The following KLHL29 variants were observed in gnomAD, a reference collection of about 807,000 sequenced individuals.
The protein encoded by KLHL29 is kelch-like protein 29.
KLHL29 carries 21 observed loss-of-function variants against 80.4 expected under a neutral mutation model. The observed-to-expected ratio is 0.26, with a 90% CI of 0.19 to 0.38. The LOEUF is 0.38. Among genes scored for constraint, KLHL29 ranks in the 10% least tolerant of loss-of-function variants. KLHL29 has a pLI of 1.00. For synonymous variants in KLHL29, 511 were observed against 526.8 expected (o/e 0.97, Z 0.41); for missense variants, 867 against 1,223.9 (o/e 0.71, Z 4.35).
chr2:23,528,374 G>A (rs929891829), intron 2 of KLHL29, among the ~76,000 whole-genome samples: 1 of 152,134 alleles, frequency 6.6e-6, no homozygotes, highest in African/African-American at 2.4e-5. Context: ...GGCTGTTTCC[G>A]AGGCTGGTCT....
At chr2:23,483,639 T>G (rs1664855795) in intron 2 of KLHL29, among the ~76,000 whole-genome samples, 1 of 152,182 alleles carries the variant, frequency 6.6e-6, no homozygotes, top group African/African-American at 2.4e-5. Flanking sequence ...ACCTAGTGCT[T>G]TTAGGTTGCA....
At chr2:23,391,978 T>C (rs1666332783) in intron 1 of KLHL29, among the ~76,000 whole-genome samples, 1 of 152,258 alleles carries the variant, frequency 6.6e-6, no homozygotes, top group African/African-American at 2.4e-5. Flanking sequence ...CCTGTCCACG[T>C]TGAAGTCCCG....
At chr2:23,671,511 G>A (rs1482429323) in intron 5 of KLHL29, among the ~76,000 whole-genome samples, 1 of 152,190 alleles carries the variant, frequency 6.6e-6, no homozygotes, top group East Asian at 1.9e-4. Flanking sequence ...TGTGGCTGTT[G>A]GGCTCCTCAT....
chr2:23,644,823 A>G (rs996379296), intron 5 of KLHL29, among the ~76,000 whole-genome samples: 8 of 152,234 alleles, frequency 5.3e-5, no homozygotes, highest in Admixed American at 3.3e-4. Context: ...CACTGGGCAG[A>G]CCGAGGGCCA....
chr2:23,551,900 A>T (rs1189479690), intron 2 of KLHL29, among the ~76,000 whole-genome samples: 2 of 152,154 alleles, frequency 1.3e-5, no homozygotes, highest in Non-Finnish European at 2.9e-5. Context: ...CCACATTTTG[A>T]GTAGGGAGGA....
At chr2:23,389,666 C>T (rs1043832491) in intron 1 of KLHL29, among the ~76,000 whole-genome samples, 2 of 148,862 alleles carry the variant, frequency 1.3e-5, no homozygotes, top group African/African-American at 2.5e-5. Context: ...CTGTACTGGG[C>T]AACAGAGCAA....
At chr2:23,443,366 A>G (rs1046940306) in intron 1 of KLHL29, among the ~76,000 whole-genome samples, 1 of 152,222 alleles carries the variant, frequency 6.6e-6, no homozygotes, top group Non-Finnish European at 1.5e-5. Context: ...ATCATCTAAC[A>G]TACAGTCTAC....
intron 3 of KLHL29, among the ~76,000 whole-genome samples, chr2:23,637,508 C>T (rs906769120): frequency 6.6e-6 from 1 of 152,178 alleles, no homozygotes; most frequent in African/African-American, 2.4e-5. Flanking sequence ...TCCTTTGTTT[C>T]TTGCTCTGTT....
intron 5 of KLHL29, among the ~76,000 whole-genome samples, chr2:23,646,056 T>C (rs1041767219): frequency 6.6e-6 from 1 of 152,196 alleles, no homozygotes; most frequent in Non-Finnish European, 1.5e-5. Flanking sequence ...GATTTTTTTT[T>C]TAGATGATGT....
chr2:23,690,350 TGGGTGGCA>T (rs1167728789), intron 6 of KLHL29: 1 of 152,224 alleles, frequency 6.6e-6, no homozygotes, highest in Non-Finnish European at 1.5e-5. Flanking sequence ...TGCCCACCTG[TGGGTGGCA>T]GAGCCCAGGC....
chr2:23,471,494 T>TA (rs1009671543), intron 1 of KLHL29, among the ~76,000 whole-genome samples: 2 of 152,238 alleles, frequency 1.3e-5, no homozygotes, highest in Non-Finnish European at 2.9e-5. Flanking sequence ...TTAACCCAAA[T>TA]AGCCCATTCA....
chr2:23,508,853 G>A (rs1665686283), intron 2 of KLHL29, among the ~76,000 whole-genome samples: 1 of 152,210 alleles, frequency 6.6e-6, no homozygotes, highest in Non-Finnish European at 1.5e-5. Flanking sequence ...CACAGCAAAA[G>A]GCAGCTTCCC....
At chr2:23,422,605 T>C (rs1052711149) in intron 1 of KLHL29, among the ~76,000 whole-genome samples, 1 of 151,968 alleles carries the variant, frequency 6.6e-6, no homozygotes, top group Non-Finnish European at 1.5e-5. Flanking sequence ...CTGTGTTGTG[T>C]GCCTGTGTGT....
rs551279418 is a variant in KLHL29 at position 23,546,219 on chromosome 2, A to G, written c.-45-15933A>G. ...TGACTGTGGGCAGGGAATGTGACTG[A>G]TGGGTGTGAGTAGGGCTTCCACCCA... is the stretch of plus-strand genomic sequence containing the variant. On this transcript the variant is annotated intron_variant, in intron 2 of 13. Transcript: ENST00000486442. 5.2e-3 allele frequency among the ~76,000 whole-genome samples: 788 copies of G among 152,284 alleles called. 5 individuals carry two copies. Among genetic ancestry groups the G allele is most frequent in the Non-Finnish European group, 8.6e-3 (582 of 68,004 alleles).
chr2:23,532,826 A>G (rs1350628279), intron 2 of KLHL29, among the ~76,000 whole-genome samples: 1 of 152,272 alleles, frequency 6.6e-6, no homozygotes, highest in African/African-American at 2.4e-5. Context: ...GTTCAGGGTA[A>G]GGGGAGGATT....
At chr2:23,395,995 T>G (rs1666444628) in intron 1 of KLHL29, among the ~76,000 whole-genome samples, 1 of 152,194 alleles carries the variant, frequency 6.6e-6, no homozygotes. Flanking sequence ...TCACCGCAGG[T>G]AGGCGTAGAG....
intron 6 of KLHL29, among the ~76,000 whole-genome samples, chr2:23,686,483 C>A (rs1210946488): frequency 6.6e-6 from 1 of 152,068 alleles, no homozygotes; most frequent in Non-Finnish European, 1.5e-5. Context: ...AAGTGATGCC[C>A]AGGTCTCCTT....
At chr2:23,461,976 A>ATTTTTTTTTT (rs10659814) in intron 1 of KLHL29, among the ~76,000 whole-genome samples, 96 of 141,296 alleles carry the variant, frequency 6.8e-4, no homozygotes, top group Non-Finnish European at 1.3e-3. Flanking sequence ...GGTTTTTGCC[A>ATTTTTTTTTT]TTTTTTTTTT....
At position 23,520,894 on chromosome 2, in the gene KLHL29, A is replaced by G. The variant is rs527524342; in HGVS notation, c.-45-41258A>G. The stretch of plus-strand genomic sequence containing the variant: ...CCCAAATATTATTGCTAGAAATGTT[A>G]CATTATCATAAACCCGAGTTCAGGA... On this transcript the variant is annotated intron_variant, in intron 2 of 13. Coordinates refer to ENST00000486442, the MANE Select transcript of KLHL29 (RefSeq NM_052920.2). Among the ~76,000 whole-genome samples the G allele has an allele frequency of 7.2e-5, 11 of 152,278 alleles. No individual in the cohort carries two copies. The South Asian group carries it at 2.3e-3, about 32-fold the overall frequency.
Sources: gnomAD v4.1 joint callset for allele counts (sites outside exome capture counted in the v4.1 genomes callset) on GRCh38, gnomAD v4.1.1 for gene constraint, MANE v1.5 for transcripts, NCBI Gene and HGNC (gene_info 2026-07-23, HGNC 2026-07-21) for gene names.